FOXN4: variants seen among roughly 807,000 people sequenced by gnomAD.
FOXN4 encodes forkhead box N4, also known as forkhead box protein N4.
FOXN4 carries 12 observed loss-of-function variants against 45.0 expected under a neutral mutation model. The observed-to-expected ratio is 0.27, with a 90% CI of 0.17 to 0.43. FOXN4 has a LOEUF of 0.43. Ranked by LOEUF, FOXN4 falls within the 20% of genes least tolerant of loss-of-function variation. FOXN4 has a pLI of 1.00. For synonymous variants in FOXN4, 297 were observed against 295.0 expected, an observed-to-expected ratio of 1.01 and a Z score of -0.07; for missense variants, 560 against 694.9, an observed-to-expected ratio of 0.81 and a Z score of 2.18.
intron 2 of FOXN4, among the ~76,000 whole-genome samples, chr12:109,299,013 C>T (rs1273371516): frequency 6.6e-6 from 1 of 152,130 alleles, no homozygotes; most frequent in East Asian, 1.9e-4. Flanking sequence ...TCAGATGAGG[C>T]ATCTGGTCTG....
chr12:109,297,563 C>A (rs2047829259), intron 2 of FOXN4, among the ~76,000 whole-genome samples: 1 of 152,238 alleles, frequency 6.6e-6, no homozygotes, highest in African/African-American at 2.4e-5. Flanking sequence ...GCCTTGAACT[C>A]CTGACCTCAA....
chr12:109,285,460 T>C lies in FOXN4; in HGVS notation c.745A>G (p.Lys249Glu). The C allele has an allele frequency of 6.2e-7, 1 of 1,614,104 alleles. No homozygotes were observed. Among genetic ancestry groups the C allele is most frequent in the Non-Finnish European group, 8.5e-7 (1 of 1,179,958 alleles). The change falls in exon 8 of 10, where the codon AAG becomes GAG. Residue 249 changes from lysine to glutamate, a missense_variant. Transcript: ENST00000299162. The stretch of plus-strand genomic sequence containing the variant: ...TTGTTCTCCACCTTCTCGAAGCACT[T>C]GTTCAGAGACAGGTTGTGCCGCACC... ...NSVRHNLSLNKCFEKVENKMS... is the reference protein window; with the variant it reads ...NSVRHNLSLNECFEKVENKMS...
rs765676983 is a variant in FOXN4 at position 109,290,211 on chromosome 12, C to T, written c.162G>A (p.Val54=). The T allele has an allele frequency of 1.0e-4, 155 of 1,551,292 alleles. No individual in the cohort carries two copies. The highest frequency in any genetic ancestry group is 1.4e-4 in the Admixed American group (7 of 50,970). The part of the protein sequence containing the change: ...QSLSWLTAVD[V]PRLQQMASGR... ...CACTTGCCATCTGCTGCAGCCGAGG[C>T]ACATCCACCGCCGTGAGCCACGACA... Residue 54 remains valine, a synonymous_variant, in exon 3 of 10, where the codon GTG becomes GTA. Transcript: ENST00000299162. This position sits in a 1 kb window ranked among gnomAD's most constrained non-coding sequence, Gnocchi z 5.1.
chr12:109,306,786 C>T (rs1053025280), intron 2 of FOXN4, among the ~76,000 whole-genome samples: 1 of 152,226 alleles, frequency 6.6e-6, no homozygotes, highest in Non-Finnish European at 1.5e-5. Flanking sequence ...GCTCAGAGAG[C>T]TCCACGTAGC....
intron 7 of FOXN4, 132 bp from the exon 8 acceptor site, chr12:109,285,643 C>T (rs2136919131): frequency 2.1e-6 from 2 of 930,662 alleles, no homozygotes; most frequent in Non-Finnish European, 3.3e-6. Flanking sequence ...GACACTCAGC[C>T]TCAAGTTGGA....
At chr12:109,306,152 A>G (rs2047920162) in intron 2 of FOXN4, among the ~76,000 whole-genome samples, 1 of 152,146 alleles carries the variant, frequency 6.6e-6, no homozygotes, top group Admixed American at 6.5e-5. Context: ...AGAGCCCTCC[A>G]TAGACGCGTC....
chr12:109,282,612 A>G (rs2047663465), intron 8 of FOXN4, among the ~76,000 whole-genome samples: 1 of 152,176 alleles, frequency 6.6e-6, no homozygotes, highest in African/African-American at 2.4e-5. Context: ...ACTGGGACAA[A>G]ATGTATTAAC....
chr12:109,292,595 C>T (rs565875676), intron 2 of FOXN4, among the ~76,000 whole-genome samples: 1 of 152,150 alleles, frequency 6.6e-6, no homozygotes, highest in African/African-American at 2.4e-5. Flanking sequence ...CAGTGGCTCA[C>T]GGTCAATGTA....
At chr12:109,294,307 G>A (rs1250644751) in intron 2 of FOXN4, among the ~76,000 whole-genome samples, 1 of 152,198 alleles carries the variant, frequency 6.6e-6, no homozygotes, top group Non-Finnish European at 1.5e-5. Context: ...TGTAACCCCT[G>A]AGCTGCGTGA....
intron 2 of FOXN4, among the ~76,000 whole-genome samples, chr12:109,301,392 T>C (rs779550873): frequency 8.5e-5 from 13 of 152,162 alleles, no homozygotes; most frequent in Non-Finnish European, 1.2e-4. Flanking sequence ...ACAAGGGACA[T>C]TGGAACCTGT....
At chr12:109,308,379 G>A (rs1477405110) in intron 1 of FOXN4, 55 bp from the exon 2 acceptor site, 6 of 1,217,562 alleles carry the variant, frequency 4.9e-6, no homozygotes, top group East Asian at 5.2e-5. Flanking sequence ...TATGGACAGG[G>A]CAGAAACCCA....
At chr12:109,285,777 T>C (rs1453103065) in intron 7 of FOXN4, among the ~76,000 whole-genome samples, 2 of 152,294 alleles carry the variant, frequency 1.3e-5, no homozygotes, top group East Asian at 3.9e-4. Flanking sequence ...CTGCTGGATC[T>C]TCCATATTCT....
rs17177336 is a variant in FOXN4, at chr12:109,285,428, G to A, written c.777C>T (p.Ser259=). ...KCFEKVENKM[S]GSSRKGCLWA... ...ACAGGCAGCCCTTGCGGGAGGAGCCGCTCATCTTGTTCTCCACCTTCTCGA... is the reference window on the plus strand; with the variant it reads ...ACAGGCAGCCCTTGCGGGAGGAGCCACTCATCTTGTTCTCCACCTTCTCGA... Residue 259 remains serine (S), a synonymous_variant, in exon 8 of 10, where the codon AGC becomes AGT. Coordinates refer to ENST00000299162, the MANE Select transcript of FOXN4 (RefSeq NM_213596.3). The A allele has an allele frequency of 0.13, 203,751 of 1,613,966 alleles. 13,534 individuals carry two copies. Among genetic ancestry groups the A allele is most frequent in the South Asian group, 0.15 (13,564 of 91,082 alleles).
chr12:109,298,877 G>T (rs2047843330), intron 2 of FOXN4, among the ~76,000 whole-genome samples: 3 of 152,172 alleles, frequency 2.0e-5, no homozygotes, highest in African/African-American at 7.2e-5. Context: ...CCTGGGGCTG[G>T]TGACTTATCT....
At chr12:109,280,524 G>A (rs1350966677) in intron 9 of FOXN4, among the ~76,000 whole-genome samples, 1 of 152,142 alleles carries the variant, frequency 6.6e-6, no homozygotes, top group East Asian at 1.9e-4. Flanking sequence ...GAGGACTTGT[G>A]AAAAGCATTT....
intron 2 of FOXN4, among the ~76,000 whole-genome samples, chr12:109,296,407 G>A (rs191077579): frequency 7.9e-5 from 12 of 152,304 alleles, no homozygotes; most frequent in East Asian, 3.9e-4. Flanking sequence ...GTGTCTCTGC[G>A]CCTTCTGTTC....
Position 109,288,048 on chromosome 12 carries a change from C to T in FOXN4, c.357+8G>A, listed in dbSNP as rs1366023571. The T allele has an allele frequency of 6.5e-7, 1 of 1,550,166 alleles. No homozygotes were observed. The highest frequency in any genetic ancestry group is 8.7e-7 in the Non-Finnish European group (1 of 1,146,666). ...CCCGCCCTCCGCAGTCCATGCAGTG[C>T]CACTTACGCTGTCTCTGTGGCCAGT... On this transcript the variant is annotated splice_region_variant and intron_variant, in intron 4 of 9. Coordinates refer to ENST00000299162, the MANE Select transcript of FOXN4 (RefSeq NM_213596.3). This position sits in a 1 kb window ranked among gnomAD's most constrained non-coding sequence, Gnocchi z 4.3.
intron 2 of FOXN4, among the ~76,000 whole-genome samples, chr12:109,304,270 A>AGAAAGAAG (rs930017989): frequency 3.0e-5 from 3 of 100,290 alleles, no homozygotes; most frequent in African/African-American, 1.3e-4. Context: ...AAAGAAAGAA[A>AGAAAGAAG]GAAAGAAAGA....
In FOXN4 at chr12:109,287,352, C is replaced by CT. The variant is rs1227396078; in HGVS notation, c.596+44_596+45insA. The CT allele has an allele frequency of 1.3e-6, 2 of 1,550,048 alleles. No individual in the cohort carries two copies. The highest frequency in any genetic ancestry group is 1.4e-5 in the African/African-American group (1 of 73,030). ...CCTGAGGGCAGCCTCATCCCTCTCTCCCGGAGCCGCCCTTGGCCCTGACCC... is the reference window on the plus strand; with the variant it reads ...CCTGAGGGCAGCCTCATCCCTCTCTCTCCGGAGCCGCCCTTGGCCCTGACCC... On this transcript the variant is annotated intron_variant, in intron 6 of 9. Transcript: ENST00000299162. This position sits in a 1 kb window ranked among gnomAD's most constrained non-coding sequence, Gnocchi z 4.1.
Sources: allele counts gnomAD v4.1 joint callset (sites outside exome capture counted in the v4.1 genomes callset), GRCh38; gene constraint gnomAD v4.1.1; non-coding constraint Gnocchi (gnomAD v3.1); transcripts MANE v1.5; gene names NCBI Gene and HGNC (gene_info 2026-07-23, HGNC 2026-07-21).